Variants in PREX2 observed in about 807,000 individuals in gnomAD.
PREX2 encodes the protein phosphatidylinositol 3,4,5-trisphosphate-dependent Rac exchanger 2 protein.
In PREX2, 107 loss-of-function variants were observed where a neutral mutation model predicts 203.2. The observed-to-expected ratio is 0.53, with a 90% CI of 0.45 to 0.62. The LOEUF (loss-of-function observed/expected upper bound fraction) is 0.62. Ranked by LOEUF, PREX2 falls within the 20% of genes least tolerant of loss-of-function variation. The pLI is 0.00. For synonymous variants in PREX2, 672 were observed against 663.6 expected (o/e 1.01, Z -0.19); for missense variants, 1,777 against 1,955.9 (o/e 0.91, Z 1.72).
chr8:68,021,870 T>A (rs532025167), intron 3 of PREX2, among the ~76,000 whole-genome samples, 166 bp from the exon 4 acceptor site: 46 of 152,174 alleles, frequency 3.0e-4, no homozygotes, highest in Non-Finnish European at 5.4e-4. Flanking sequence ...TAGGCTGTTC[T>A]TCATGGGCCA....
intron 10 of PREX2, among the ~76,000 whole-genome samples, chr8:68,057,348 A>G (rs1265319719): frequency 6.6e-6 from 1 of 152,152 alleles, no homozygotes; most frequent in African/African-American, 2.4e-5. Context: ...GTACTTATTT[A>G]TAGTAGTGTG....
chr8:68,159,210 C>T (rs1811606174), intron 35 of PREX2, among the ~76,000 whole-genome samples: 1 of 152,090 alleles, frequency 6.6e-6, no homozygotes, highest in Non-Finnish European at 1.5e-5. Flanking sequence ...AAACAATGGA[C>T]AAGACTAGAA....
At chr8:68,097,258 C>T in intron 22 of PREX2, 57 bp downstream of exon 22, 1 of 1,389,108 alleles carries the variant, frequency 7.2e-7, no homozygotes, top group Admixed American at 2.2e-5. Flanking sequence ...AACTGAAATC[C>T]TCCCTCTCCT....
chr8:68,186,065 T>G (rs796944561), intron 35 of PREX2, among the ~76,000 whole-genome samples: 3 of 152,100 alleles, frequency 2.0e-5, no homozygotes, highest in African/African-American at 7.2e-5. Flanking sequence ...TGTCCACAGT[T>G]TGTCAAATTC....
chr8:68,170,411 G>A (rs1442378058), intron 35 of PREX2, among the ~76,000 whole-genome samples: 1 of 152,226 alleles, frequency 6.6e-6, no homozygotes, highest in Non-Finnish European at 1.5e-5. Flanking sequence ...AAGGCCACAT[G>A]GCTGGCCTGA....
rs185683408 is a variant in PREX2 at position 68,220,897 on chromosome 8, T to A, written c.4707+3179T>A. Among the ~76,000 whole-genome samples the A allele has an allele frequency of 2.0e-5, 3 of 152,248 alleles. No homozygotes were observed. The East Asian group carries it at 5.8e-4, about 29-fold the overall frequency. On this transcript the variant is annotated intron_variant, in intron 38 of 39. Transcript: ENST00000288368. ...TTTTGTTTTAGATTTAAGGGGTACG[T>A]GTGCAGGTTTGTTACATGGATACGT...
rs1310912623 is a variant in PREX2 at position 68,226,422 on chromosome 8, G to A, written c.4775+1796G>A. On this transcript the variant is annotated intron_variant, in intron 39 of 39. Transcript: ENST00000288368. ...GGGATCTCTCCCAGCTGAGAACCTG[G>A]ACTCCAGCCCCAAAGACAGTGAGTT... Among the ~76,000 whole-genome samples the A allele has an allele frequency of 2.6e-5, 4 of 152,134 alleles. No homozygotes were observed. The East Asian group carries it at 7.7e-4, about 29-fold the overall frequency.
chr8:68,142,281 T>C (rs1249864300), intron 33 of PREX2, among the ~76,000 whole-genome samples: 1 of 152,260 alleles, frequency 6.6e-6, no homozygotes, highest in East Asian at 1.9e-4. Flanking sequence ...GGATTGCCTG[T>C]TCATTCCTCC....
chr8:68,052,068 CTT>C (rs1490950286), intron 8 of PREX2, among the ~76,000 whole-genome samples: 1 of 152,052 alleles, frequency 6.6e-6, no homozygotes. Flanking sequence ...TACTCAAAAA[CTT>C]AATAAAATAG....
intron 37 of PREX2, among the ~76,000 whole-genome samples, chr8:68,196,124 C>G (rs1281884480): frequency 6.6e-6 from 1 of 152,006 alleles, no homozygotes; most frequent in Non-Finnish European, 1.5e-5. Context: ...AATGACAAGT[C>G]TCCTGAGGGA....
Position 68,197,719 on chromosome 8 carries a change from T to C in PREX2, c.4604+5194T>C, listed in dbSNP as rs548258515. Among the ~76,000 whole-genome samples, 3 of 148,482 alleles carry C rather than the reference T, an allele frequency of 2.0e-5. No individual in the cohort carries two copies. The South Asian group carries it at 6.3e-4, about 31-fold the overall frequency. ...ATATATATACAATATATATATAATC[T>C]ATGCTATATATACATAATATATATG... On this transcript the variant is annotated intron_variant, in intron 37 of 39. Coordinates refer to ENST00000288368, the MANE Select transcript of PREX2 (RefSeq NM_024870.4).
At chr8:68,073,266 A>T (rs1347660735) in intron 14 of PREX2, among the ~76,000 whole-genome samples, 1 of 151,218 alleles carries the variant, frequency 6.6e-6, no homozygotes, top group Non-Finnish European at 1.5e-5. Context: ...TAAAGAAAAG[A>T]TGAAGAAAAC....
intron 37 of PREX2, among the ~76,000 whole-genome samples, chr8:68,197,324 TAGTG>T (rs1268478686): frequency 1.6e-4 from 25 of 152,088 alleles, no homozygotes; most frequent in Non-Finnish European, 8.8e-5. Flanking sequence ...GTTCTCATGA[TAGTG>T]AGTGAGTTCT....
chr8:68,032,275 G>T (rs1261990208), intron 6 of PREX2, among the ~76,000 whole-genome samples: 1 of 152,168 alleles, frequency 6.6e-6, no homozygotes, highest in African/African-American at 2.4e-5. Flanking sequence ...TTTGCCACTT[G>T]TTAGGTATAA....
intron 10 of PREX2, among the ~76,000 whole-genome samples, chr8:68,056,441 G>A (rs1181186717): frequency 6.6e-6 from 1 of 152,126 alleles, no homozygotes; most frequent in Non-Finnish European, 1.5e-5. Context: ...CTGAAAATGT[G>A]GGTCATGTGA....
At chr8:68,164,342 A>G (rs958368629) in intron 35 of PREX2, among the ~76,000 whole-genome samples, 11 of 131,862 alleles carry the variant, frequency 8.3e-5, no homozygotes, top group Admixed American at 2.5e-4. Context: ...GAAAGGCCTT[A>G]ATATGTATTA....
At chr8:68,033,453 C>A (rs1807943410) in intron 6 of PREX2, among the ~76,000 whole-genome samples, 1 of 150,564 alleles carries the variant, frequency 6.6e-6, no homozygotes, top group Non-Finnish European at 1.5e-5. Context: ...AATATATGCA[C>A]CTGTCTACTG....
chr8:68,109,039 C>T, intron 24 of PREX2: 2 of 448,310 alleles, frequency 4.5e-6, no homozygotes, highest in African/African-American at 2.0e-5. Context: ...AGTAGCAGGG[C>T]CTGGGGTGGT....
intron 1 of PREX2, among the ~76,000 whole-genome samples, chr8:67,990,497 G>T (rs905284953): frequency 4.2e-5 from 6 of 143,426 alleles, no homozygotes; most frequent in Admixed American, 7.0e-5. Flanking sequence ...CTCCCAGGTG[G>T]TTTTTTTTTT....
Sources: allele counts gnomAD v4.1 joint callset (sites outside exome capture counted in the v4.1 genomes callset), GRCh38; gene constraint gnomAD v4.1.1; transcripts MANE v1.5; gene names NCBI Gene and HGNC (gene_info 2026-07-23, HGNC 2026-07-21).